Variants in ZNF718 observed in about 807,000 individuals in gnomAD.
ZNF718 encodes zinc finger protein 718.
ZNF718 carries 3 observed loss-of-function variants against 2.6 expected under a neutral mutation model. The observed-to-expected ratio is 1.16, with a 90% CI of 0.53 to 3.01. The LOEUF is 3.01. ZNF718 is among the 30% of genes most tolerant of loss of function. The pLI is 0.03. For missense variants in ZNF718, 468 were observed against 230.0 expected (o/e 2.03, Z -6.69); for synonymous variants, 135 against 77.9 (o/e 1.73, Z -3.86).
At chr4:180,342 G>A (rs184087006) in intron 3 of ZNF718, among the ~76,000 whole-genome samples, 1 of 152,312 alleles carries the variant, frequency 6.6e-6, no homozygotes, top group East Asian at 1.9e-4. Flanking sequence ...TTGCTTATTT[G>A]TAAATTAGTC....
At chr4:134,053 C>T (rs1177284194) in intron 3 of ZNF718, among the ~76,000 whole-genome samples, 1 of 152,170 alleles carries the variant, frequency 6.6e-6, no homozygotes, top group African/African-American at 2.4e-5. Context: ...CAAGTTACAA[C>T]TAAAAATTTG....
chr4:192,334 C>T (rs1391608840), intron 3 of ZNF718, among the ~76,000 whole-genome samples: 14 of 152,170 alleles, frequency 9.2e-5, no homozygotes, highest in Non-Finnish European at 2.1e-4. Context: ...TTGTCCCTCC[C>T]CCTGTGCTCT....
intron 3 of ZNF718, among the ~76,000 whole-genome samples, chr4:195,205 C>A (rs1159295552): frequency 6.6e-6 from 1 of 152,166 alleles, no homozygotes. Flanking sequence ...GTGTAGGTAA[C>A]CTTTTGAGTC....
chr4:199,530 A>T (rs1280102117), intron 3 of ZNF718, among the ~76,000 whole-genome samples: 1 of 152,168 alleles, frequency 6.6e-6, no homozygotes, highest in Non-Finnish European at 1.5e-5. Context: ...TTGCATCCTA[A>T]CCCAGAGAGA....
chr4:157,091 C>G (rs994655326), intron 3 of ZNF718, among the ~76,000 whole-genome samples: 14 of 73,680 alleles, frequency 1.9e-4, no homozygotes, highest in Non-Finnish European at 2.8e-4. Flanking sequence ...CTTTTTGTTT[C>G]TTTCTTTCTT....
intron 3 of ZNF718, among the ~76,000 whole-genome samples, chr4:192,058 G>A (rs1419699648): frequency 2.6e-5 from 4 of 152,208 alleles, no homozygotes; most frequent in Admixed American, 2.6e-4. Context: ...ACAGTCAGGA[G>A]TGGCAATGGG....
At chr4:127,486 A>G (rs1715266703) in intron 1 of ZNF718, among the ~76,000 whole-genome samples, 1 of 104,042 alleles carries the variant, frequency 9.6e-6, no homozygotes, top group Non-Finnish European at 2.1e-5. Context: ...CATTGATTAA[A>G]CTTGAGAACT....
chr4:171,928 G>A lies in ZNF718; in HGVS notation c.227-29153G>A, dbSNP rs561091882. Among the ~76,000 whole-genome samples, 11 of 152,314 alleles carry A rather than the reference G, an allele frequency of 7.2e-5. No homozygotes were observed. In the East Asian group the frequency reaches 1.9e-3, roughly 27 times the overall value. ...GAAATGCAGAAATCACACGTCTTCT[G>A]CGTCGCTCACGCTGGGAGCTGTAGA... On this transcript the variant is annotated intron_variant and NMD_transcript_variant, in intron 3 of 4. Transcript: ENST00000642529.
In ZNF718 at chr4:194,484, G is replaced by A. The variant is rs910274085; in HGVS notation, c.227-6597G>A. On this transcript the variant is annotated intron_variant and NMD_transcript_variant, in intron 3 of 4. Coordinates refer to the ZNF718 transcript ENST00000642529. ...CTGGGACCTGCCTGCTTACCTGTGG[G>A]GAATTGTTCTTTTTCCTCTGTTGTT... is the stretch of plus-strand genomic sequence containing the variant. Among the ~76,000 whole-genome samples, 5 of 152,156 alleles carry A rather than the reference G, an allele frequency of 3.3e-5. No individual in the cohort carries two copies. In the East Asian group the frequency reaches 9.6e-4, roughly 29 times the overall value.
intron 3 of ZNF718, among the ~76,000 whole-genome samples, chr4:172,352 T>C (rs1553818228): frequency 6.6e-6 from 1 of 152,206 alleles, no homozygotes; most frequent in African/African-American, 2.4e-5. Context: ...TTTTTAAAAA[T>C]TTAAATATAT....
At chr4:188,066 T>C (rs1287315711) in intron 3 of ZNF718, among the ~76,000 whole-genome samples, 1 of 152,202 alleles carries the variant, frequency 6.6e-6, no homozygotes, top group Non-Finnish European at 1.5e-5. Context: ...GAACCACCTT[T>C]GTCCCAGTCA....
At chr4:181,471 T>G (rs1244033349) in intron 3 of ZNF718, among the ~76,000 whole-genome samples, 1 of 152,126 alleles carries the variant, frequency 6.6e-6, no homozygotes, top group Non-Finnish European at 1.5e-5. Flanking sequence ...TTGTGTGGTT[T>G]GAGTTAGGTG....
intron 3 of ZNF718, among the ~76,000 whole-genome samples, chr4:172,251 C>T (rs1055366293): frequency 2.0e-5 from 3 of 152,090 alleles, no homozygotes; most frequent in Non-Finnish European, 4.4e-5. Context: ...TTTCACTTGG[C>T]ATAATGTACT....
At chr4:182,914 A>C (rs1164222115) in intron 3 of ZNF718, among the ~76,000 whole-genome samples, 4 of 152,146 alleles carry the variant, frequency 2.6e-5, no homozygotes, top group Admixed American at 6.5e-5. Flanking sequence ...CCTTTGTCAG[A>C]TGCATAGATT....
intron 3 of ZNF718, among the ~76,000 whole-genome samples, chr4:153,846 A>T (rs538474114): frequency 6.6e-6 from 1 of 152,330 alleles, no homozygotes; most frequent in Non-Finnish European, 1.5e-5. Context: ...AAAAAGCAGA[A>T]AATGTTTTAT....
Position 161,143 on chromosome 4 carries a change from A to G in ZNF718, c.458A>G (p.His153Arg), listed in dbSNP as rs782291852. The G allele has an allele frequency of 1.3e-6, 1 of 756,620 alleles. No individual in the cohort carries two copies. The highest frequency in any genetic ancestry group is 2.5e-5 in the East Asian group (1 of 40,390). 46.9% of individuals were successfully genotyped at this position (756,620 alleles called of 1,614,324 possible). ...TCTAATATATGTGTCAAAGTTTTTCATAAATTTTCAAATTCAAACAAAGAT... is the reference window on the plus strand; with the variant it reads ...TCTAATATATGTGTCAAAGTTTTTCGTAAATTTTCAAATTCAAACAAAGAT... ...IQSNICVKVFHKFSNSNKDKI... is the reference protein window; with the variant it reads ...IQSNICVKVFRKFSNSNKDKI... Residue 153 changes from histidine (H) to arginine (R), a missense_variant, in exon 4 of 4, where the codon CAT becomes CGT. His to Arg is a conservative substitution (Grantham distance 29). Coordinates refer to ENST00000510175, the MANE Select transcript of ZNF718 (RefSeq NM_001039127.6).
At chr4:134,643 T>C (rs868927148) in intron 3 of ZNF718, among the ~76,000 whole-genome samples, 2 of 152,252 alleles carry the variant, frequency 1.3e-5, no homozygotes, top group South Asian at 2.1e-4. Context: ...TAACATCTTA[T>C]TGTATTTAGT....
At chr4:170,191 C>T (rs1414753964) in intron 3 of ZNF718, among the ~76,000 whole-genome samples, 2 of 152,174 alleles carry the variant, frequency 1.3e-5, no homozygotes, top group Admixed American at 6.5e-5. Flanking sequence ...TCTCTTCTGG[C>T]TTGTAGAGTT....
chr4:160,818 T>G, intron 3 of ZNF718, 94 bp from the exon 4 acceptor site: 1 of 655,676 alleles, frequency 1.5e-6, no homozygotes, highest in Non-Finnish European at 2.8e-6. Flanking sequence ...CGGAAACTGC[T>G]GGAATTACTG....
Sources: allele counts gnomAD v4.1 joint callset (sites outside exome capture counted in the v4.1 genomes callset), GRCh38; gene constraint gnomAD v4.1.1; transcripts MANE v1.5; gene names NCBI Gene and HGNC (gene_info 2026-07-23, HGNC 2026-07-21).